Variants in ENTREP2 observed in about 807,000 individuals in gnomAD.
ENTREP2 encodes the protein endosomal transmembrane epsin interactor 2, also known as protein ENTREP2.
At chr15:29,346,186 G>A in the ENTREP2 span, among the ~76,000 whole-genome samples, 1 of 152,196 alleles carries the variant, frequency 6.6e-6, no homozygotes, top group Non-Finnish European at 1.5e-5. Flanking sequence ...GAGGGCAAGG[G>A]CAAGGAGGAA....
At chr15:29,329,454 G>A in the ENTREP2 span, among the ~76,000 whole-genome samples, 3 of 152,078 alleles carry the variant, frequency 2.0e-5, no homozygotes. Context: ...CTGAAACCAC[G>A]GAAATGAAAA....
the ENTREP2 span, among the ~76,000 whole-genome samples, chr15:29,344,592 G>A: frequency 6.6e-6 from 1 of 152,122 alleles, no homozygotes; most frequent in African/African-American, 2.4e-5. Flanking sequence ...GCTGGCACCT[G>A]ATGACATTTC....
chr15:29,286,513 T>C, the ENTREP2 span, among the ~76,000 whole-genome samples: 1 of 152,216 alleles, frequency 6.6e-6, no homozygotes, highest in East Asian at 1.9e-4. Context: ...GGACTATCTG[T>C]CCACCCTCTC....
chr15:29,363,230 G>A, the ENTREP2 span, among the ~76,000 whole-genome samples: 6 of 152,002 alleles, frequency 3.9e-5, no homozygotes, highest in Non-Finnish European at 5.9e-5. Flanking sequence ...TGAATTTTCC[G>A]AATAAATAAT....
chr15:29,313,498 T>A, the ENTREP2 span, among the ~76,000 whole-genome samples: 1 of 152,218 alleles, frequency 6.6e-6, no homozygotes, highest in African/African-American at 2.4e-5. Context: ...TAAATCTATT[T>A]CACCTGTGCA....
the ENTREP2 span, chr15:29,126,518 A>C: frequency 1.9e-6 from 3 of 1,543,412 alleles, no homozygotes; most frequent in Admixed American, 5.9e-5. Context: ...ATGGCATTAG[A>C]GTGGGCGGCC....
chr15:29,537,169 T>C, the ENTREP2 span, among the ~76,000 whole-genome samples: 12 of 152,232 alleles, frequency 7.9e-5, no homozygotes, highest in East Asian at 5.8e-4. Flanking sequence ...ATGTCAGTAA[T>C]TGCGATTGAA....
the ENTREP2 span, among the ~76,000 whole-genome samples, chr15:29,608,941 TCTCGAATTGGCCCACAATA>T: frequency 3.9e-5 from 6 of 152,104 alleles, no homozygotes. Context: ...CACCTGCTCG[TCTCGAATTGGCCCACAATA>T]CTTTCTAGTG....
the ENTREP2 span, among the ~76,000 whole-genome samples, chr15:29,607,926 C>T: frequency 6.6e-6 from 1 of 152,002 alleles, no homozygotes; most frequent in Non-Finnish European, 1.5e-5. Flanking sequence ...CACAATAGGC[C>T]GTCTGCAAGC....
the ENTREP2 span, among the ~76,000 whole-genome samples, chr15:29,577,219 A>T: frequency 6.6e-6 from 1 of 152,132 alleles, no homozygotes. Context: ...TGGTGCAGCC[A>T]CTGTGGAAAA....
chr15:29,637,434 C>T, the ENTREP2 span, among the ~76,000 whole-genome samples: 2 of 152,186 alleles, frequency 1.3e-5, no homozygotes, highest in Non-Finnish European at 2.9e-5. Context: ...CTCAGAAACA[C>T]ATCAGGTCAC....
the ENTREP2 span, among the ~76,000 whole-genome samples, chr15:29,129,295 C>A: frequency 1.3e-5 from 2 of 152,112 alleles, no homozygotes; most frequent in African/African-American, 4.8e-5. Flanking sequence ...AAACTCCTGA[C>A]CTCAGGCGAT....
At chr15:29,193,526 C>G in the ENTREP2 span, among the ~76,000 whole-genome samples, 26 of 152,194 alleles carry the variant, frequency 1.7e-4, no homozygotes, top group African/African-American at 6.0e-4. Flanking sequence ...TTCCCTGGTT[C>G]TGAGGCCTTT....
the ENTREP2 span, among the ~76,000 whole-genome samples, chr15:29,652,389 C>T: frequency 6.6e-6 from 1 of 152,260 alleles, no homozygotes; most frequent in Admixed American, 6.5e-5. Flanking sequence ...TCACCCTCCA[C>T]TTGTCTGCAT....
At chr15:29,124,690 TC>T in the ENTREP2 span, 1 of 1,550,218 alleles carries the variant, frequency 6.5e-7, no homozygotes, top group African/African-American at 1.4e-5. Flanking sequence ...GTCTCACCGC[TC>T]CCAGGCACAG....
chr15:29,537,925 C>T, the ENTREP2 span, among the ~76,000 whole-genome samples: 8 of 152,276 alleles, frequency 5.3e-5, no homozygotes, highest in African/African-American at 1.9e-4. Flanking sequence ...CCCTTCTCCA[C>T]ACTTCTGCAG....
the ENTREP2 span, among the ~76,000 whole-genome samples, chr15:29,485,640 A>T: frequency 1.3e-5 from 2 of 152,256 alleles, no homozygotes; most frequent in African/African-American, 4.8e-5. Context: ...ATTCAACACA[A>T]GGAACTCAAA....
chr15:29,184,981 C>G, the ENTREP2 span, among the ~76,000 whole-genome samples: 1 of 151,414 alleles, frequency 6.6e-6, no homozygotes, highest in Non-Finnish European at 1.5e-5. Flanking sequence ...GAGGCTGAGG[C>G]AGGAGAATCA....
the ENTREP2 span, among the ~76,000 whole-genome samples, chr15:29,169,163 C>A: frequency 6.6e-6 from 1 of 152,150 alleles, no homozygotes; most frequent in Non-Finnish European, 1.5e-5. Context: ...ATACAGAAAT[C>A]TTTCCTATAA....
Sources: gnomAD v4.1 joint callset for allele counts (sites outside exome capture counted in the v4.1 genomes callset) on GRCh38, gnomAD v4.1.1 for gene constraint, MANE v1.5 for transcripts, NCBI Gene and HGNC (gene_info 2026-07-23, HGNC 2026-07-21) for gene names.